Variants in TBC1D5 observed in about 807,000 individuals in gnomAD.
TBC1D5 encodes the protein TBC1 domain family member 5.
Under a neutral mutation model 100.3 loss-of-function variants are expected in TBC1D5, and 75 were observed. The observed-to-expected ratio is 0.75, with a 90% CI of 0.62 to 0.91. The LOEUF is 0.91. Ranked by LOEUF, TBC1D5 falls within the 40% of genes least tolerant of loss-of-function variation. The probability of loss-of-function intolerance (pLI) is 0.00; values close to 1 mark genes in which losing one functional copy is unlikely to be tolerated. For synonymous variants in TBC1D5, 323 were observed against 325.6 expected, an observed-to-expected ratio of 0.99 and a Z score of 0.09; for missense variants, 910 against 942.4, an observed-to-expected ratio of 0.97 and a Z score of 0.45.
chr3:17,198,288 A>T (rs1374158559), intron 18 of TBC1D5, among the ~76,000 whole-genome samples: 6 of 152,038 alleles, frequency 3.9e-5, no homozygotes, highest in Non-Finnish European at 8.8e-5. Flanking sequence ...CCCAATCTAC[A>T]GTTGTGGGCA....
intron 8 of TBC1D5, among the ~76,000 whole-genome samples, chr3:17,402,303 G>C (rs536251302): frequency 6.6e-6 from 1 of 152,146 alleles, no homozygotes; most frequent in East Asian, 1.9e-4. Flanking sequence ...ACTAGGAGTG[G>C]AGCACACAGG....
chr3:17,591,040 T>C (rs1332412323), intron 2 of TBC1D5, among the ~76,000 whole-genome samples: 1 of 151,512 alleles, frequency 6.6e-6, no homozygotes, highest in Non-Finnish European at 1.5e-5. Context: ...GAGACAGCCA[T>C]CCTGGCTAAC....
chr3:17,389,719 T>G (rs1435684155), intron 8 of TBC1D5, among the ~76,000 whole-genome samples: 3 of 152,132 alleles, frequency 2.0e-5, no homozygotes, highest in Non-Finnish European at 4.4e-5. Context: ...AGTTGTAGAT[T>G]CAACAACAAA....
intron 16 of TBC1D5, among the ~76,000 whole-genome samples, chr3:17,247,687 A>G (rs2076851695): frequency 6.6e-6 from 1 of 152,238 alleles, no homozygotes; most frequent in Non-Finnish European, 1.5e-5. Flanking sequence ...GCTATTTGAT[A>G]GCATTTTACC....
At chr3:17,461,388 C>A (rs1271045627) in intron 3 of TBC1D5, among the ~76,000 whole-genome samples, 1 of 152,184 alleles carries the variant, frequency 6.6e-6, no homozygotes, top group Non-Finnish European at 1.5e-5. Flanking sequence ...GAGAAGATTT[C>A]CATCATTCAC....
chr3:17,222,967 C>G (rs967786740), intron 17 of TBC1D5, among the ~76,000 whole-genome samples: 1 of 151,562 alleles, frequency 6.6e-6, no homozygotes, highest in African/African-American at 2.4e-5. Flanking sequence ...TCATTTTCTT[C>G]CAAAATGAAA....
At chr3:17,447,272 G>C (rs535397432) in intron 3 of TBC1D5, among the ~76,000 whole-genome samples, 1 of 152,344 alleles carries the variant, frequency 6.6e-6, no homozygotes, top group East Asian at 1.9e-4. Flanking sequence ...TGCTGTAGCT[G>C]AAAGAAGTGG....
chr3:17,703,224 T>G (rs1333901977), intron 1 of TBC1D5, among the ~76,000 whole-genome samples: 2 of 152,052 alleles, frequency 1.3e-5, no homozygotes, highest in African/African-American at 4.8e-5. Context: ...TTCTGAGTTT[T>G]TACTCAATTA....
chr3:17,632,163 A>G (rs1305277101), intron 1 of TBC1D5, among the ~76,000 whole-genome samples: 1 of 152,232 alleles, frequency 6.6e-6, no homozygotes, highest in African/African-American at 2.4e-5. Context: ...GAAAAAGATT[A>G]TTTGAACCCT....
intron 1 of TBC1D5, among the ~76,000 whole-genome samples, chr3:17,734,378 T>G (rs1015890770): frequency 1.3e-5 from 2 of 152,104 alleles, no homozygotes; most frequent in African/African-American, 4.8e-5. Context: ...GAAGAAGAAA[T>G]CATTCATTAA....
chr3:17,280,050 C>T (rs528324420), intron 15 of TBC1D5, among the ~76,000 whole-genome samples: 123 of 152,182 alleles, frequency 8.1e-4, no homozygotes, highest in Non-Finnish European at 1.3e-3. Flanking sequence ...TCCATTCACT[C>T]ATTATTGCAG....
chr3:17,716,013 T>C (rs905104452), intron 1 of TBC1D5, among the ~76,000 whole-genome samples: 4 of 151,936 alleles, frequency 2.6e-5, no homozygotes, highest in African/African-American at 9.7e-5. Context: ...GACCATGCCG[T>C]TGGACTCCAG....
chr3:17,221,055 C>T (rs1046433197), intron 17 of TBC1D5, among the ~76,000 whole-genome samples: 2 of 151,992 alleles, frequency 1.3e-5, no homozygotes, highest in African/African-American at 4.8e-5. Context: ...AGGATTTCTA[C>T]TTCTTCTTGG....
intron 3 of TBC1D5, among the ~76,000 whole-genome samples, chr3:17,467,744 T>A (rs954510661): frequency 2.0e-5 from 3 of 151,426 alleles, no homozygotes; most frequent in Non-Finnish European, 4.4e-5. Flanking sequence ...ATAATAATAA[T>A]AAAATAACCA....
intron 2 of TBC1D5, among the ~76,000 whole-genome samples, chr3:17,619,964 A>G (rs2062512478): frequency 2.6e-5 from 4 of 152,178 alleles, no homozygotes; most frequent in Admixed American, 2.6e-4. Context: ...CCAAAATTCC[A>G]TTTCTCACCT....
intron 1 of TBC1D5, among the ~76,000 whole-genome samples, chr3:17,703,899 T>G (rs2073559338): frequency 1.0e-5 from 1 of 96,982 alleles, no homozygotes; most frequent in Admixed American, 1.2e-4. Context: ...ACATTGATAT[T>G]TGTGTTTTTT....
intron 9 of TBC1D5, among the ~76,000 whole-genome samples, chr3:17,380,073 G>A (rs945940545): frequency 1.4e-5 from 2 of 145,212 alleles, no homozygotes; most frequent in Non-Finnish European, 3.0e-5. Context: ...GTGTGTGTGT[G>A]TGTGTGTGTG....
exon 22 of TBC1D5, chr3:17,160,628 G>C (rs564969043): frequency 4.1e-6 from 1 of 246,336 alleles, no homozygotes; most frequent in East Asian, 7.6e-5. Flanking sequence ...GGGGAGAAGG[G>C]GACAGAGGAA....
intron 3 of TBC1D5, among the ~76,000 whole-genome samples, chr3:17,471,894 A>G (rs1315601169): frequency 2.0e-5 from 3 of 152,144 alleles, no homozygotes; most frequent in African/African-American, 7.2e-5. Flanking sequence ...AATGCACTGA[A>G]TTACACATTT....
Sources: allele counts gnomAD v4.1 joint callset (sites outside exome capture counted in the v4.1 genomes callset), GRCh38; gene constraint gnomAD v4.1.1; transcripts MANE v1.5; gene names NCBI Gene and HGNC (gene_info 2026-07-23, HGNC 2026-07-21).